The following ADAMTSL1 variants were observed in gnomAD, a reference collection of about 807,000 sequenced individuals.
ADAMTSL1 encodes ADAMTS-like protein 1.
A neutral mutation model predicts 201.8 loss-of-function variants in ADAMTSL1; 126 were observed. The observed-to-expected ratio is 0.62, with a 90% CI of 0.54 to 0.72. ADAMTSL1 has a LOEUF of 0.72. Ranked by LOEUF, ADAMTSL1 falls within the 30% of genes least tolerant of loss-of-function variation. ADAMTSL1 has a pLI of 0.00. For missense variants in ADAMTSL1, 2,679 were observed against 2,277.8 expected (o/e 1.18, Z -3.59); for synonymous variants, 1,121 against 903.4 (o/e 1.24, Z -4.32).
chr9:18,030,327 C>G (rs1183371269), intron 1 of ADAMTSL1, among the ~76,000 whole-genome samples: 1 of 151,940 alleles, frequency 6.6e-6, no homozygotes, highest in African/African-American at 2.4e-5. Flanking sequence ...TGTTCTCACT[C>G]ATAGGTGGGA....
chr9:18,259,630 C>A (rs1030286611), intron 2 of ADAMTSL1, among the ~76,000 whole-genome samples: 7 of 152,150 alleles, frequency 4.6e-5, no homozygotes, highest in Non-Finnish European at 8.8e-5. Context: ...CCTCTCCCCC[C>A]ATCACACCTC....
intron 12 of ADAMTSL1, 76 bp downstream of exon 12, chr9:18,682,035 ATT>A (rs1830533642): frequency 6.9e-7 from 1 of 1,449,262 alleles, no homozygotes; most frequent in Admixed American, 2.0e-5. Context: ...TCCTTGGAAT[ATT>A]TTTAAGTATC....
rs925868035 is a variant in ADAMTSL1 at position 18,777,514 on chromosome 9, C to G, written c.3285C>G (p.Leu1095=). 6.2e-6 allele frequency: 10 copies of G among 1,600,128 alleles called. No individual in the cohort carries two copies. Among genetic ancestry groups the G allele is most frequent in the African/African-American group, 1.3e-5 (1 of 74,602 alleles). The part of the protein sequence containing the change: ...LSQQPEELRD[L]YSKHLVAQLA... ...AGCAGCCCGAGGAGCTGCGCGACCT[C>G]TACAGCAAGCACCTGGTGGCCCAGC... The change falls in exon 19 of 29, where the codon CTC becomes CTG. Residue 1095 remains leucine (L), a synonymous_variant. Transcript: ENST00000380548.
intron 2 of ADAMTSL1, among the ~76,000 whole-genome samples, chr9:18,266,166 A>T (rs1316104617): frequency 6.6e-6 from 1 of 152,126 alleles, no homozygotes; most frequent in Non-Finnish European, 1.5e-5. Context: ...CCAATTATAC[A>T]CTTCTCATTG....
intron 1 of ADAMTSL1, among the ~76,000 whole-genome samples, chr9:18,056,053 A>G (rs78263121): frequency 6.6e-6 from 1 of 152,300 alleles, no homozygotes; most frequent in Non-Finnish European, 1.5e-5. Context: ...TCTGCTGTAC[A>G]GGTCATGAAT....
At chr9:18,009,958 G>A (rs1223543974) in intron 1 of ADAMTSL1, among the ~76,000 whole-genome samples, 3 of 151,828 alleles carry the variant, frequency 2.0e-5, no homozygotes, top group Non-Finnish European at 2.9e-5. Context: ...AACATTTCTC[G>A]CTCTTAACTT....
chr9:18,584,797 G>A (rs1361170699), intron 4 of ADAMTSL1, among the ~76,000 whole-genome samples: 1 of 152,152 alleles, frequency 6.6e-6, no homozygotes, highest in Middle Eastern at 3.4e-3. Context: ...AATTGACTAG[G>A]GGCCTGAAAG....
rs530833569 is a variant in ADAMTSL1, at chr9:18,867,323, AGGCT to A, written c.4250-20505_4250-20502del. On this transcript the variant is annotated intron_variant, in intron 23 of 28. Coordinates refer to ENST00000380548, the MANE Select transcript of ADAMTSL1 (RefSeq NM_001040272.6). ...AATATTTGGGAAAATATGTTTAAAT[AGGCT>A]GGTACAGCAATTGTTTTAAACTTGT... Among the ~76,000 whole-genome samples the A allele has an allele frequency of 2.1e-3, 326 of 152,386 alleles. 1 individual carries two copies. The highest frequency in any genetic ancestry group is 7.3e-3 in the African/African-American group (305 of 41,600).
intron 1 of ADAMTSL1, among the ~76,000 whole-genome samples, chr9:17,982,222 A>G (rs1708272874): frequency 6.6e-6 from 1 of 152,202 alleles, no homozygotes; most frequent in Non-Finnish European, 1.5e-5. Flanking sequence ...TTGGTGATAA[A>G]GCCATGAAAA....
At chr9:18,149,396 A>T (rs938635666) in intron 1 of ADAMTSL1, among the ~76,000 whole-genome samples, 2 of 152,010 alleles carry the variant, frequency 1.3e-5, no homozygotes, top group Non-Finnish European at 2.9e-5. Flanking sequence ...GTCTATAGGG[A>T]TAAATGGAGA....
chr9:17,988,088 T>G lies in ADAMTSL1; in HGVS notation c.87+81166T>G, dbSNP rs1293230697. On this transcript the variant is annotated intron_variant, in intron 1 of 29. Transcript: ENST00000680146. ...GTGTTGATTGCTGGTTCCACTATTC[T>G]GACATTTATGGCTGTGTTTCATCTT... is the stretch of plus-strand genomic sequence containing the variant. 2.0e-5 allele frequency among the ~76,000 whole-genome samples: 3 copies of G among 152,246 alleles called. No individual in the cohort carries two copies. In the East Asian group the frequency reaches 5.8e-4, roughly 29 times the overall value.
intron 2 of ADAMTSL1, among the ~76,000 whole-genome samples, chr9:18,427,932 C>G (rs145469620): frequency 1.3e-5 from 2 of 152,206 alleles, no homozygotes; most frequent in Non-Finnish European, 2.9e-5. Flanking sequence ...AATGCCTCTT[C>G]CTTCTTCTGT....
intron 17 of ADAMTSL1, among the ~76,000 whole-genome samples, chr9:18,774,005 T>C (rs1401320193): frequency 6.6e-6 from 1 of 152,222 alleles, no homozygotes; most frequent in Non-Finnish European, 1.5e-5. Context: ...TCACAGCACA[T>C]CACACAGAAT....
intron 2 of ADAMTSL1, among the ~76,000 whole-genome samples, chr9:18,213,573 T>C (rs1829958061): frequency 6.6e-6 from 1 of 152,196 alleles, no homozygotes; most frequent in South Asian, 2.1e-4. Context: ...TTCTGTTACT[T>C]CATAACTGTA....
At chr9:18,259,726 C>A (rs777829949) in intron 2 of ADAMTSL1, among the ~76,000 whole-genome samples, 20 of 152,036 alleles carry the variant, frequency 1.3e-4, no homozygotes, top group Non-Finnish European at 2.6e-4. Context: ...GAACTGGGGT[C>A]TAATAACGCC....
At chr9:18,844,837 C>T (rs573205336) in intron 23 of ADAMTSL1, among the ~76,000 whole-genome samples, 50 of 152,260 alleles carry the variant, frequency 3.3e-4, no homozygotes, top group Admixed American at 5.9e-4. Flanking sequence ...TAGGACCCTC[C>T]GAGCCATGTG....
chr9:17,977,813 A>G (rs972685507), intron 1 of ADAMTSL1, among the ~76,000 whole-genome samples: 4 of 152,078 alleles, frequency 2.6e-5, no homozygotes, highest in African/African-American at 9.7e-5. Flanking sequence ...GCTGTTGAAT[A>G]GATGTTCTAT....
intron 26 of ADAMTSL1, among the ~76,000 whole-genome samples, chr9:18,903,426 A>C (rs944181959): frequency 1.3e-5 from 2 of 152,246 alleles, no homozygotes; most frequent in Admixed American, 6.5e-5. Flanking sequence ...TTAAAAGTTA[A>C]GTCTCAGTGG....
At chr9:17,924,785 T>C in intron 1 of ADAMTSL1, among the ~76,000 whole-genome samples, 2 of 112,076 alleles carry the variant, frequency 1.8e-5, no homozygotes, top group Admixed American at 1.0e-4. Context: ...ATTCAGGACA[T>C]AGGCATGGGC....
Sources: gnomAD v4.1 joint callset for allele counts (sites outside exome capture counted in the v4.1 genomes callset) on GRCh38, gnomAD v4.1.1 for gene constraint, MANE v1.5 for transcripts, NCBI Gene and HGNC (gene_info 2026-07-23, HGNC 2026-07-21) for gene names.